The following SEPTIN1 variants were observed in gnomAD, a reference collection of about 807,000 sequenced individuals.
SEPTIN1 encodes septin 1.
In SEPTIN1, 52 loss-of-function variants were observed where a neutral mutation model predicts 50.7. That is an observed-to-expected ratio of 1.03 (90% CI 0.82 to 1.29). The LOEUF (loss-of-function observed/expected upper bound fraction) is 1.29. SEPTIN1 is among the 50% of genes most tolerant of loss of function. The probability of loss-of-function intolerance (pLI) is 0.00; values close to 1 mark genes in which losing one functional copy is unlikely to be tolerated. For synonymous variants in SEPTIN1, 204 were observed against 189.1 expected (o/e 1.08, Z -0.65); for missense variants, 455 against 490.7 (o/e 0.93, Z 0.69).
In SEPTIN1 at chr16:30,380,002, T is replaced by C. The variant is rs767383273; in HGVS notation, c.605A>G (p.His202Arg). The C allele has an allele frequency of 1.9e-6, 3 of 1,612,792 alleles. No individual in the cohort carries two copies. The highest frequency in any genetic ancestry group is 2.5e-6 in the Non-Finnish European group (3 of 1,179,224). The change falls in exon 7 of 11, where the codon CAC becomes CGC. Residue 202 changes from histidine to arginine, a missense_variant. His to Arg is a conservative substitution (Grantham distance 29). Coordinates refer to ENST00000321367, the MANE Select transcript of SEPTIN1 (RefSeq NM_001365977.2). Reference sequence around the variant, plus strand: ...GTCACATTCGGGGAACTGGTAGATGTGGATCTCCTCTTCCTTCAACTGATC... The same window carrying C: ...GTCACATTCGGGGAACTGGTAGATGCGGATCTCCTCTTCCTTCAACTGATC... ...IRDQLKEEEIHIYQFPECDSD... is the reference protein window; with the variant it reads ...IRDQLKEEEIRIYQFPECDSD...
chr16:30,379,479 TTCCC>T lies in SEPTIN1; in HGVS notation c.727_730del (p.Gly243ThrfsTer4). The T allele has an allele frequency of 1.2e-6, 2 of 1,608,180 alleles. No individual in the cohort carries two copies. The highest frequency in any genetic ancestry group is 1.7e-6 in the Non-Finnish European group (2 of 1,175,354). The stretch of plus-strand genomic sequence containing the variant: ...GTAGCGGCGTCCCCTCACCGGCCGG[TTCCC>T]GCCATCCCTCACCACCTCGCATGAT... On this transcript the variant is annotated frameshift_variant, in exon 8 of 11. Transcript: ENST00000321367. LOFTEE classifies it high-confidence loss of function.
intron 7 of SEPTIN1, 43 bp from the exon 8 acceptor site, chr16:30,379,577 A>G (rs367740501): frequency 4.6e-5 from 67 of 1,456,250 alleles, no homozygotes; most frequent in South Asian, 4.1e-4. Context: ...CTCACACGGC[A>G]GAAACTTTCT....
In SEPTIN1 at chr16:30,378,356, TG is replaced by T; in HGVS notation, c.*77del. ...CACCCGCGGAGGTCCCGGGGGGCGC[TG>T]GGCAGTGTGGGGCGCGGGGATTGGA... On this transcript the variant is annotated 3_prime_UTR_variant, in exon 11 of 11. Transcript: ENST00000321367. 7.4e-7 allele frequency: 1 copy of T among 1,354,948 alleles called. No homozygotes were observed. The highest frequency in any genetic ancestry group is 9.9e-7 in the Non-Finnish European group (1 of 1,011,508). 83.9% of individuals were successfully genotyped at this position (1,354,948 alleles called of 1,614,324 possible).
At chr16:30,379,236 C>A (rs958442604) in intron 8 of SEPTIN1, 53 bp from the exon 9 acceptor site, 10 of 1,604,212 alleles carry the variant, frequency 6.2e-6, no homozygotes, top group Non-Finnish European at 8.5e-6. Flanking sequence ...CGGGTCCAAC[C>A]CACCCGTAAG....
intron 6 of SEPTIN1, 105 bp from the exon 7 acceptor site, chr16:30,380,138 GAGAA>G: frequency 2.3e-6 from 2 of 884,142 alleles, no homozygotes; most frequent in Non-Finnish European, 3.3e-6. Flanking sequence ...CAGAGACAGA[GAGAA>G]AGACATGAAA....
In SEPTIN1 at chr16:30,379,123, A is replaced by G. The variant is rs1169480675; in HGVS notation, c.836T>C (p.Leu279Pro). Residue 279 changes from leucine (L) to proline (P), a missense_variant, in exon 9 of 11, where the codon CTG (leucine) becomes CCG (proline). Physicochemically the swap from Leu to Pro is moderately conservative, Grantham distance 98. Coordinates refer to ENST00000321367, the MANE Select transcript of SEPTIN1 (RefSeq NM_001365977.2). ...GTGCGTCACCTCTTTCAGGTCCTGC[A>G]GGTGTGTCTGCACCAGCATCCGTCG... ...NLRRMLVQTH[L>P]QDLKEVTHDL... 3 of 1,613,918 alleles carry G rather than the reference A, an allele frequency of 1.9e-6. No homozygotes were observed. Among genetic ancestry groups the G allele is most frequent in the Non-Finnish European group, 2.5e-6 (3 of 1,179,952 alleles).
In SEPTIN1 at chr16:30,381,899, G is replaced by A. The variant is rs764240815; in HGVS notation, c.197-16C>T. 6 of 1,613,864 alleles carry A rather than the reference G, an allele frequency of 3.7e-6. No homozygotes were observed. The East Asian group carries it at 1.3e-4, about 36-fold the overall frequency. ...GTCAAGCGAGCTGTGGGATGGGGGA[G>A]AGGTCAGGGATCCGGGGAGGCTCTG... On this transcript the variant is annotated splice_polypyrimidine_tract_variant and intron_variant, in intron 3 of 10. Transcript: ENST00000321367. This position sits in a 1 kb window ranked among gnomAD's most constrained non-coding sequence, Gnocchi z 4.3.
In SEPTIN1 at chr16:30,378,267, C is replaced by T. The variant is rs1243170955; in HGVS notation, c.*167G>A. The T allele has an allele frequency of 1.4e-6, 1 of 697,750 alleles. No individual in the cohort carries two copies. The highest frequency in any genetic ancestry group is 1.8e-5 in the African/African-American group (1 of 54,666). The allele number at this position is 697,750 out of a possible 1,614,324, so 43.2% of individuals were successfully genotyped here. On this transcript the variant is annotated 3_prime_UTR_variant, in exon 11 of 11. Coordinates refer to ENST00000321367, the MANE Select transcript of SEPTIN1 (RefSeq NM_001365977.2). ...TGGGCGGTGTCTGGGTGGGCGGGAC[C>T]AGCGCCGGGGCGGGGCTACGGACTC...
At chr16:30,379,575 G>T in intron 7 of SEPTIN1, 41 bp from the exon 8 acceptor site, 1 of 1,466,438 alleles carries the variant, frequency 6.8e-7, no homozygotes, top group Non-Finnish European at 9.5e-7. Flanking sequence ...GGCTCACACG[G>T]CAGAAACTTT....
At position 30,381,341 on chromosome 16, in the gene SEPTIN1, C is replaced by A; in HGVS notation, c.453G>T (p.Arg151=). ...CCLYFISPFG[R]GLRPLDVAFL... ...CCCCCAGGATCCCCCCACCAGACCC[C>A]CGGCCGAAGGGTGAGATGAAGTAGA... The change falls in exon 5 of 11, where the codon CGG becomes CGT. Residue 151 remains arginine (R), a splice_region_variant and synonymous_variant. Transcript: ENST00000321367. This position sits in a 1 kb window ranked among gnomAD's most constrained non-coding sequence, Gnocchi z 4.3. The A allele has an allele frequency of 1.2e-6, 2 of 1,613,364 alleles. No homozygotes were observed. The highest frequency in any genetic ancestry group is 1.7e-6 in the Non-Finnish European group (2 of 1,179,674).
At chr16:30,379,355 A>G (rs982998836) in intron 8 of SEPTIN1, 80 bp downstream of exon 8, 20 of 1,451,236 alleles carry the variant, frequency 1.4e-5, no homozygotes, top group Middle Eastern at 1.8e-4. Context: ...AGCCCACCCC[A>G]ACTTCACATG....
At chr16:30,379,293 G>A (rs2049804865) in intron 8 of SEPTIN1, 110 bp from the exon 9 acceptor site, 3 of 1,475,034 alleles carry the variant, frequency 2.0e-6, no homozygotes, top group Non-Finnish European at 2.8e-6. Context: ...CGGAGGGTCC[G>A]CGGTCTGCAG....
Position 30,381,541 on chromosome 16 carries a change from G to A in SEPTIN1, c.321-68C>T. 2 of 1,578,522 alleles carry A rather than the reference G, an allele frequency of 1.3e-6. No homozygotes were observed. Among genetic ancestry groups the A allele is most frequent in the Non-Finnish European group, 1.7e-6 (2 of 1,150,938 alleles). On this transcript the variant is annotated intron_variant, in intron 4 of 10. Transcript: ENST00000321367. The surrounding 1 kb of genome is among the most constrained non-coding windows in gnomAD (Gnocchi z 4.3). ...GAGGGCAGGGGGCAAGGCTAGCCAG[G>A]ACTGTGGGAGTAGAATGTCATTTCT...
chr16:30,380,760 A>G, intron 6 of SEPTIN1: 1 of 279,988 alleles, frequency 3.6e-6, no homozygotes, highest in South Asian at 3.7e-5. Context: ...ACAGAGTGAG[A>G]CTCTATCTAA....
chr16:30,379,080 G>A lies in SEPTIN1; in HGVS notation c.879C>T (p.Gly293=), dbSNP rs373865490. The change falls in exon 9 of 11, where the codon GGC becomes GGT. Residue 293 remains glycine (G), a synonymous_variant. Coordinates refer to ENST00000321367, the MANE Select transcript of SEPTIN1 (RefSeq NM_001365977.2). ...KEVTHDLLYE[G]YRARCLQSLA... ...GGCTCTGTAGGCAGCGGGCCCGGTA[G>A]CCCTCGTAGAGCAGATCGTGCGTCA... 1 of 1,614,076 alleles carries A rather than the reference G, an allele frequency of 6.2e-7. No homozygotes were observed. The highest frequency in any genetic ancestry group is 8.5e-7 in the Non-Finnish European group (1 of 1,179,992).
In SEPTIN1 at chr16:30,378,545, G is replaced by C. The variant is rs762404144; in HGVS notation, c.1033-25C>G. On this transcript the variant is annotated intron_variant, in intron 10 of 10. Transcript: ENST00000321367. ...GCTGTGCAGGGCGAGATTGCAGGCG[G>C]TGACCTGGCGAAGCCAGAGGGGGAC... 4 of 1,601,358 alleles carry C rather than the reference G, an allele frequency of 2.5e-6. No individual in the cohort carries two copies. The South Asian group carries it at 4.4e-5, about 18-fold the overall frequency.
chr16:30,379,683 C>G (rs1205670096), intron 7 of SEPTIN1, 149 bp from the exon 8 acceptor site: 8 of 532,122 alleles, frequency 1.5e-5, no homozygotes, highest in Middle Eastern at 5.0e-4. Context: ...GGGTCTCACT[C>G]CATTGCCCAG....
intron 8 of SEPTIN1, 40 bp downstream of exon 8, chr16:30,379,395 C>T (rs975811089): frequency 1.9e-6 from 3 of 1,561,980 alleles, no homozygotes; most frequent in Non-Finnish European, 2.6e-6. Context: ...AGGCCCCGGG[C>T]TCCCTGCTGG....
chr16:30,378,537 T>A lies in SEPTIN1; in HGVS notation c.1033-17A>T. On this transcript the variant is annotated splice_polypyrimidine_tract_variant and intron_variant, in intron 10 of 10. Transcript: ENST00000321367. ...GCGGCGCAGCTGTGCAGGGCGAGAT[T>A]GCAGGCGGTGACCTGGCGAAGCCAG... The A allele has an allele frequency of 6.3e-7, 1 of 1,599,726 alleles. No homozygotes were observed. Among genetic ancestry groups the A allele is most frequent in the Non-Finnish European group, 8.5e-7 (1 of 1,173,470 alleles).
Sources: gnomAD v4.1 joint callset for allele counts on GRCh38, gnomAD v4.1.1 for gene constraint, Gnocchi (gnomAD v3.1) non-coding constraint, MANE v1.5 for transcripts, NCBI Gene and HGNC (gene_info 2026-07-23, HGNC 2026-07-21) for gene names.